The following MGST1 variants were observed in gnomAD, a reference collection of about 807,000 sequenced individuals.
MGST1 encodes the protein glutathione S-transferase 12.
A neutral mutation model predicts 8.9 loss-of-function variants in MGST1; 5 were observed. The ratio of observed to expected loss-of-function variants is 0.56; its 90% CI spans 0.29 to 1.19. The LOEUF (loss-of-function observed/expected upper bound fraction) is 1.19, where lower values mean the gene tolerates loss of function less well. Ranked by LOEUF, MGST1 falls within the 50% of genes most tolerant of loss-of-function variation. MGST1 has a pLI of 0.08. For synonymous variants in MGST1, 54 were observed against 67.8 expected (o/e 0.80, Z 1.00); for missense variants, 182 against 187.4 (o/e 0.97, Z 0.17).
intron 4 of MGST1, among the ~76,000 whole-genome samples, chr12:16,514,701 T>G (rs1358841549): frequency 6.6e-6 from 1 of 151,372 alleles, no homozygotes; most frequent in Non-Finnish European, 1.5e-5. Flanking sequence ...AGAGACAACC[T>G]TTCTGTCTTC....
At chr12:16,429,061 A>C (rs1940917326) in intron 1 of MGST1, among the ~76,000 whole-genome samples, 1 of 151,954 alleles carries the variant, frequency 6.6e-6, no homozygotes, top group African/African-American at 2.4e-5. Flanking sequence ...TTTGCTTTTT[A>C]AGATAACAAT....
At chr12:16,475,340 T>A (rs1591739898) in intron 4 of MGST1, among the ~76,000 whole-genome samples, 1 of 152,212 alleles carries the variant, frequency 6.6e-6, no homozygotes, top group Non-Finnish European at 1.5e-5. Context: ...ATATTAAAGC[T>A]GATGAATACA....
intron 4 of MGST1, among the ~76,000 whole-genome samples, chr12:16,457,110 T>C (rs1197735916): frequency 6.6e-6 from 1 of 151,986 alleles, no homozygotes; most frequent in African/African-American, 2.4e-5. Flanking sequence ...TCATGGTTTC[T>C]GCATGGGTCT....
chr12:16,376,080 T>G, intron 3 of MGST1: 1 of 1,272,562 alleles, frequency 7.9e-7, no homozygotes, highest in Non-Finnish European at 1.1e-6. Context: ...GTATATAGTC[T>G]TTGAAGGATA....
chr12:16,551,054 C>T (rs1591761736), intron 4 of MGST1: 1 of 529,074 alleles, frequency 1.9e-6, no homozygotes, highest in African/African-American at 1.9e-5. Context: ...TGAACTGGGG[C>T]AATTTCACTA....
At chr12:16,423,438 A>G (rs899079516) in intron 1 of MGST1, among the ~76,000 whole-genome samples, 2 of 149,790 alleles carry the variant, frequency 1.3e-5, no homozygotes, top group African/African-American at 2.4e-5. Context: ...GTACAAAAAA[A>G]ATTCTTGTTG....
At chr12:16,450,221 T>G (rs934748657) in intron 4 of MGST1, among the ~76,000 whole-genome samples, 2 of 151,938 alleles carry the variant, frequency 1.3e-5, no homozygotes, top group Non-Finnish European at 2.9e-5. Context: ...AAGAACTTAA[T>G]TATTGGTTGC....
chr12:16,465,510 T>A (rs2137129181), intron 4 of MGST1, among the ~76,000 whole-genome samples: 1 of 151,618 alleles, frequency 6.6e-6, no homozygotes, highest in Non-Finnish European at 1.5e-5. Flanking sequence ...TCCTGTCAGA[T>A]CAGCTGCAGC....
At chr12:16,572,795 G>T (rs1942860525) in intron 4 of MGST1, among the ~76,000 whole-genome samples, 4 of 150,946 alleles carry the variant, frequency 2.6e-5, no homozygotes, top group African/African-American at 9.7e-5. Context: ...CAACCACTTT[G>T]GGAAAACCTG....
rs969367336 is a variant in MGST1 at position 16,399,423 on chromosome 12, T to G, written n.778+15819T>G. 9.8e-6 allele frequency: 15 copies of G among 1,526,634 alleles called. No individual in the cohort carries two copies. In the African/African-American group the frequency reaches 2.0e-4, roughly 21 times the overall value. 94.6% of individuals were successfully genotyped at this position (1,526,634 alleles called of 1,614,324 possible). ...TTCTTCTTCTTCCTTATAACAACTT[T>G]CTTGGTCCGCTTTTCGGGCTTCTTC... On this transcript the variant is annotated intron_variant and non_coding_transcript_variant, in intron 1 of 1. Transcript: ENST00000359720.
intron 4 of MGST1, among the ~76,000 whole-genome samples, chr12:16,452,493 G>A (rs912864556): frequency 4.0e-5 from 6 of 151,458 alleles, no homozygotes; most frequent in African/African-American, 1.2e-4. Flanking sequence ...CTCAAAGCTC[G>A]CAATATTATT....
intron 4 of MGST1, among the ~76,000 whole-genome samples, chr12:16,452,363 C>T (rs1941135769): frequency 6.7e-6 from 1 of 149,778 alleles, no homozygotes; most frequent in Non-Finnish European, 1.5e-5. Context: ...TCCTTGTATT[C>T]AGAGGCTCAA....
Position 16,516,545 on chromosome 12 carries a change from T to G in MGST1, n.483-72983T>G, listed in dbSNP as rs535920952. ...AGTCTTTCAGACTTTCCATTCTACA[T>G]CTGAAAGTTGGGGAGATAAGCTGTA... On this transcript the variant is annotated intron_variant and non_coding_transcript_variant, in intron 4 of 4. Transcript: ENST00000538857. 1.4e-4 allele frequency among the ~76,000 whole-genome samples: 21 copies of G among 152,276 alleles called. No homozygotes were observed. In the South Asian group the frequency reaches 3.9e-3, roughly 29 times the overall value.
chr12:16,587,367 AC>A lies in MGST1; in HGVS notation n.483-2160del, dbSNP rs965208494. Among the ~76,000 whole-genome samples, 1 of 152,170 alleles carries A rather than the reference AC, an allele frequency of 6.6e-6. No homozygotes were observed. The highest frequency in any genetic ancestry group is 1.5e-5 in the Non-Finnish European group (1 of 68,022). Reference sequence around the variant, plus strand: ...TTAAAAATTCCAAAGCATTCTTAAAACGTTTCACTTAAACATTTCTGCAATA... The same window carrying A: ...TTAAAAATTCCAAAGCATTCTTAAAAGTTTCACTTAAACATTTCTGCAATA... On this transcript the variant is annotated intron_variant and non_coding_transcript_variant, in intron 4 of 4. Transcript: ENST00000538857. This position sits in a 1 kb window ranked among gnomAD's most constrained non-coding sequence, Gnocchi z 4.3.
chr12:16,365,743 GCACA>G (rs769759439), downstream of MGST1, among the ~76,000 whole-genome samples: 31 of 100,364 alleles, frequency 3.1e-4, no homozygotes, highest in African/African-American at 1.1e-3. Flanking sequence ...GCGTGCACGC[GCACA>G]CACACACACA....
In MGST1 at chr12:16,517,114, C is replaced by T. The variant is rs550513200; in HGVS notation, n.483-72414C>T. Among the ~76,000 whole-genome samples, 5 of 151,992 alleles carry T rather than the reference C, an allele frequency of 3.3e-5. No individual in the cohort carries two copies. The East Asian group carries it at 7.7e-4, about 24-fold the overall frequency. ...AAAAATCAATATGTAACCTGAGAAGCGATATGCAAAGTCATTGGAAGGAAG... is the reference window on the plus strand; with the variant it reads ...AAAAATCAATATGTAACCTGAGAAGTGATATGCAAAGTCATTGGAAGGAAG... On this transcript the variant is annotated intron_variant and non_coding_transcript_variant, in intron 4 of 4. Transcript: ENST00000538857. This position sits in a 1 kb window ranked among gnomAD's most constrained non-coding sequence, Gnocchi z 4.2.
At chr12:16,432,165 G>A (rs978390614) in intron 1 of MGST1, among the ~76,000 whole-genome samples, 28 of 152,080 alleles carry the variant, frequency 1.8e-4, no homozygotes, top group Non-Finnish European at 1.8e-4. Flanking sequence ...ATCCCTGGCC[G>A]ATATTGTATG....
At chr12:16,578,750 G>A (rs986760292) in intron 4 of MGST1, among the ~76,000 whole-genome samples, 2 of 151,846 alleles carry the variant, frequency 1.3e-5, no homozygotes, top group Non-Finnish European at 2.9e-5. Flanking sequence ...CCTGGGAGGC[G>A]GAGTTTGCAG....
chr12:16,476,314 C>T (rs1050950414), intron 4 of MGST1, among the ~76,000 whole-genome samples: 3 of 152,088 alleles, frequency 2.0e-5, no homozygotes, highest in African/African-American at 4.8e-5. Context: ...ACTAAATCAA[C>T]ATTGTGCTCT....
Sources: gnomAD v4.1 joint callset for allele counts (sites outside exome capture counted in the v4.1 genomes callset) on GRCh38, gnomAD v4.1.1 for gene constraint, Gnocchi (gnomAD v3.1) non-coding constraint, MANE v1.5 for transcripts, NCBI Gene and HGNC (gene_info 2026-07-23, HGNC 2026-07-21) for gene names.